Variants in SLC6A3 observed in about 807,000 individuals in gnomAD.
The protein encoded by SLC6A3 is solute carrier family 6 member 3, also known as sodium-dependent dopamine transporter.
In SLC6A3, 19 loss-of-function variants were observed where a neutral mutation model predicts 70.4. That is an observed-to-expected ratio of 0.27 (90% CI 0.19 to 0.40). The LOEUF is 0.40. Among genes scored for constraint, SLC6A3 ranks in the 10% least tolerant of loss-of-function variants. The pLI is 1.00. For missense variants in SLC6A3, 613 were observed against 838.5 expected, an observed-to-expected ratio of 0.73 and a Z score of 3.32; for synonymous variants, 368 against 356.6, an observed-to-expected ratio of 1.03 and a Z score of -0.36.
rs145114326 is a variant in SLC6A3 at position 1,414,692 on chromosome 5, G to A, written c.1155C>T (p.Asp385=). 699 of 1,612,378 alleles carry A rather than the reference G, an allele frequency of 4.3e-4. 2 individuals carry two copies. The highest frequency in any genetic ancestry group is 1.6e-3 in the East Asian group (70 of 44,882). ...CCAGGTGCAGCAGGAGGGGCTCACC[G>A]TCCTTGGCCACGTCCCCGATGGGCA... The part of the protein sequence containing the change: ...HSVPIGDVAK[D]GPGLIFIIYP... The change falls in exon 8 of 15, where the codon GAC becomes GAT. Residue 385 remains aspartate, a splice_region_variant and synonymous_variant. Coordinates refer to ENST00000270349, the MANE Select transcript of SLC6A3 (RefSeq NM_001044.5).
intron 14 of SLC6A3, among the ~76,000 whole-genome samples, chr5:1,399,017 A>G (rs1755782873): frequency 6.6e-6 from 1 of 152,238 alleles, no homozygotes; most frequent in African/African-American, 2.4e-5. Context: ...AGAACTGTGT[A>G]TTGACAATTA....
chr5:1,428,447 C>G (rs900139958), intron 4 of SLC6A3, among the ~76,000 whole-genome samples: 3 of 152,130 alleles, frequency 2.0e-5, no homozygotes, highest in African/African-American at 7.2e-5. Context: ...AAACTGGTCA[C>G]AGTTATGTGG....
At position 1,406,319 on chromosome 5, in the gene SLC6A3, T is replaced by C; in HGVS notation, c.1499-31A>G. The C allele has an allele frequency of 6.4e-7, 1 of 1,572,724 alleles. No individual in the cohort carries two copies. Among genetic ancestry groups the C allele is most frequent in the Non-Finnish European group, 8.7e-7 (1 of 1,143,384 alleles). ...GGAGAAGAGGTGGCATCAGTGTCCA[T>C]CAGGGCAGCGCATTCCCCCGATGCT... is the stretch of plus-strand genomic sequence containing the variant. On this transcript the variant is annotated intron_variant, in intron 11 of 14. Transcript: ENST00000270349. This position sits in a 1 kb window ranked among gnomAD's most constrained non-coding sequence, Gnocchi z 8.8.
In SLC6A3 at chr5:1,413,005, T is replaced by C. The variant is rs1434199439; in HGVS notation, c.1157-1650A>G. 6.6e-6 allele frequency among the ~76,000 whole-genome samples: 1 copy of C among 152,256 alleles called. No homozygotes were observed. Among genetic ancestry groups the C allele is most frequent in the African/African-American group, 2.4e-5 (1 of 41,466 alleles). ...ATATTCATCAGCTCAGGGAATGTAA[T>C]GTCAACACCCGTGCCTTCGTTTCTG... On this transcript the variant is annotated intron_variant, in intron 8 of 14. Transcript: ENST00000270349. The surrounding 1 kb of genome is among the most constrained non-coding windows in gnomAD (Gnocchi z 7.1).
intron 14 of SLC6A3, among the ~76,000 whole-genome samples, chr5:1,399,855 C>G (rs970270051): frequency 6.6e-6 from 1 of 152,196 alleles, no homozygotes; most frequent in Admixed American, 6.5e-5. Flanking sequence ...CCCTGCTCAG[C>G]GTCTTGTTCT....
chr5:1,403,214 C>G, intron 12 of SLC6A3, 125 bp from the exon 13 acceptor site: 1 of 1,104,224 alleles, frequency 9.1e-7, no homozygotes, highest in Non-Finnish European at 1.3e-6. Flanking sequence ...GTGCAGACCC[C>G]GGCCAGGCCT....
Position 1,432,685 on chromosome 5 carries a change from C to A in SLC6A3, c.432G>T (p.Thr144=), listed in dbSNP as rs771719912. ...ICPILKGVGF[T]VILISLYVGF... ...CGACATACAGTGAGATGAGGATGAC[C>A]GTGAAGCCCACACCTAGCGGGAAGG... Residue 144 remains threonine (T), a synonymous_variant, in exon 4 of 15, where the codon ACG becomes ACT. Transcript: ENST00000270349. The A allele has an allele frequency of 4.3e-6, 7 of 1,613,804 alleles. No homozygotes were observed. In the Admixed American group the frequency reaches 6.7e-5, roughly 15 times the overall value.
rs140096135 is a variant in SLC6A3, at chr5:1,397,052, A to T, written c.1840-2294T>A. Among the ~76,000 whole-genome samples the T allele has an allele frequency of 2.1e-4, 32 of 152,326 alleles. No homozygotes were observed. Among genetic ancestry groups the T allele is most frequent in the African/African-American group, 7.2e-4 (30 of 41,574 alleles). On this transcript the variant is annotated intron_variant, in intron 14 of 14. Coordinates refer to ENST00000270349, the MANE Select transcript of SLC6A3 (RefSeq NM_001044.5). This position sits in a 1 kb window ranked among gnomAD's most constrained non-coding sequence, Gnocchi z 4.7. Reference sequence around the variant, plus strand: ...AATGGCCACATGTGGATTAATGATAAGATGCGTTACTCAACTGTGCACCTA... The same window carrying T: ...AATGGCCACATGTGGATTAATGATATGATGCGTTACTCAACTGTGCACCTA...
In SLC6A3 at chr5:1,401,056, C is replaced by T. The variant is rs1755839351; in HGVS notation, c.1768-70G>A. The T allele has an allele frequency of 8.4e-7, 1 of 1,196,804 alleles. No individual in the cohort carries two copies. The highest frequency in any genetic ancestry group is 2.5e-5 in the East Asian group (1 of 39,592). 74.1% of individuals were successfully genotyped at this position (1,196,804 alleles called of 1,614,324 possible). On this transcript the variant is annotated intron_variant, in intron 13 of 14. Transcript: ENST00000270349. The surrounding 1 kb of genome is among the most constrained non-coding windows in gnomAD (Gnocchi z 6.1). ...ACTGCCAGCACCCACCACTGACTCA[C>T]ACTGCCAGGACCCTCACCTACCAGC...
chr5:1,415,057 C>G (rs114174817), intron 7 of SLC6A3, among the ~76,000 whole-genome samples: 5 of 152,276 alleles, frequency 3.3e-5, no homozygotes, highest in Admixed American at 3.3e-4. Context: ...GCAGAACAGA[C>G]GGCCACCCCT....
chr5:1,432,396 C>T, intron 4 of SLC6A3, 68 bp downstream of exon 4: 2 of 1,240,236 alleles, frequency 1.6e-6, no homozygotes, highest in African/African-American at 1.5e-5. Flanking sequence ...GGTGTCCAAC[C>T]AAGGGGCTAC....
Position 1,437,745 on chromosome 5 carries a change from C to T in SLC6A3, c.418+3614G>A, listed in dbSNP as rs1404033407. 6.6e-6 allele frequency among the ~76,000 whole-genome samples: 1 copy of T among 152,208 alleles called. No individual in the cohort carries two copies. Among genetic ancestry groups the T allele is most frequent in the Non-Finnish European group, 1.5e-5 (1 of 68,038 alleles). On this transcript the variant is annotated intron_variant, in intron 3 of 14. Coordinates refer to ENST00000270349, the MANE Select transcript of SLC6A3 (RefSeq NM_001044.5). The surrounding 1 kb of genome is among the most constrained non-coding windows in gnomAD (Gnocchi z 4.8). ...TCGCAGGTCTGCAGGAGGGGAAGGGCCAGGAACAACCAGGCTTCCTGGAGA... is the reference window on the plus strand; with the variant it reads ...TCGCAGGTCTGCAGGAGGGGAAGGGTCAGGAACAACCAGGCTTCCTGGAGA...
intron 4 of SLC6A3, among the ~76,000 whole-genome samples, chr5:1,428,307 A>T (rs1756617248): frequency 1.3e-5 from 2 of 152,242 alleles, no homozygotes; most frequent in Admixed American, 1.3e-4. Flanking sequence ...TGAAATGAAA[A>T]CACAGCATAT....
Position 1,404,830 on chromosome 5 carries a change from T to C in SLC6A3, c.1599+1358A>G, listed in dbSNP as rs1263934251. ...TATAGTTTGTAGTTTTATCTAAAAG[T>C]CTACGAAGTGTGTTTCTGTATGAAG... On this transcript the variant is annotated intron_variant, in intron 12 of 14. Transcript: ENST00000270349. This position sits in a 1 kb window ranked among gnomAD's most constrained non-coding sequence, Gnocchi z 5.2. Among the ~76,000 whole-genome samples, 1 of 152,260 alleles carries C rather than the reference T, an allele frequency of 6.6e-6. No individual in the cohort carries two copies. The highest frequency in any genetic ancestry group is 2.4e-5 in the African/African-American group (1 of 41,464).
In SLC6A3 at chr5:1,408,277, C is replaced by T. The variant is rs563607223; in HGVS notation, c.1498+749G>A. ...CAGGATGGTCTTGATCTCTTGATCT[C>T]GTGATCTGCCCACCTCGGCCTCCCA... On this transcript the variant is annotated intron_variant, in intron 11 of 14. Transcript: ENST00000270349. The surrounding 1 kb of genome is among the most constrained non-coding windows in gnomAD (Gnocchi z 6.4). 6.8e-5 allele frequency among the ~76,000 whole-genome samples: 10 copies of T among 148,064 alleles called. No homozygotes were observed. Among genetic ancestry groups the T allele is most frequent in the Admixed American group, 1.4e-4 (2 of 14,636 alleles).
In SLC6A3 at chr5:1,442,623, G is replaced by C. The variant is rs1733702572; in HGVS notation, c.286+289C>G. Among the ~76,000 whole-genome samples the C allele has an allele frequency of 1.3e-5, 2 of 152,134 alleles. No individual in the cohort carries two copies. The highest frequency in any genetic ancestry group is 4.1e-4 in the South Asian group (2 of 4,826). ...AAAGCGAAGATAGCCTCTGGAAACA[G>C]GAGGCAGAGCCAAGCTGCCCCGTCT... is the stretch of plus-strand genomic sequence containing the variant. On this transcript the variant is annotated intron_variant, in intron 2 of 14. Transcript: ENST00000270349. The surrounding 1 kb of genome is among the most constrained non-coding windows in gnomAD (Gnocchi z 5.0).
chr5:1,414,270 C>T (rs1347365057), intron 8 of SLC6A3, among the ~76,000 whole-genome samples: 2 of 150,316 alleles, frequency 1.3e-5, no homozygotes, highest in Non-Finnish European at 3.0e-5. Context: ...GGGGCAGCCT[C>T]ATGTGGCATC....
intron 4 of SLC6A3, among the ~76,000 whole-genome samples, chr5:1,426,657 C>A (rs532462505): frequency 3.3e-5 from 5 of 152,230 alleles, no homozygotes; most frequent in African/African-American, 9.6e-5. Flanking sequence ...CTTCAATAAA[C>A]CTTGAAGACA....
intron 6 of SLC6A3, among the ~76,000 whole-genome samples, chr5:1,417,677 C>A (rs1312981850): frequency 6.6e-6 from 1 of 152,246 alleles, no homozygotes; most frequent in East Asian, 1.9e-4. Flanking sequence ...ACTCAGATGC[C>A]CACCTTGCCC....
Sources: allele counts gnomAD v4.1 joint callset (sites outside exome capture counted in the v4.1 genomes callset), GRCh38; gene constraint gnomAD v4.1.1; non-coding constraint Gnocchi (gnomAD v3.1); transcripts MANE v1.5; gene names NCBI Gene and HGNC (gene_info 2026-07-23, HGNC 2026-07-21).